The following ADAMTS12 variants were observed in gnomAD, a reference collection of about 807,000 sequenced individuals.
The protein encoded by ADAMTS12 is A disintegrin and metalloproteinase with thrombospondin motifs 12.
ADAMTS12 carries 118 observed loss-of-function variants against 167.8 expected under a neutral mutation model. The observed-to-expected ratio is 0.70, with a 90% CI of 0.61 to 0.82. ADAMTS12 has a LOEUF of 0.82. ADAMTS12 is among the 40% of genes least tolerant of loss of function. The probability of loss-of-function intolerance (pLI) is 0.00; values close to 1 mark genes in which losing one functional copy is unlikely to be tolerated. For missense variants in ADAMTS12, 1,916 were observed against 1,998.8 expected, an observed-to-expected ratio of 0.96 and a Z score of 0.79; for synonymous variants, 704 against 716.9, an observed-to-expected ratio of 0.98 and a Z score of 0.29.
At chr5:33,664,284 T>C (rs959544480) in intron 5 of ADAMTS12, among the ~76,000 whole-genome samples, 1 of 152,122 alleles carries the variant, frequency 6.6e-6, no homozygotes, top group Admixed American at 6.6e-5. Flanking sequence ...TATATAGCTA[T>C]AATAGTCAAG....
At chr5:33,669,908 GA>G (rs559256474) in intron 5 of ADAMTS12, among the ~76,000 whole-genome samples, 20 of 151,520 alleles carry the variant, frequency 1.3e-4, no homozygotes, top group African/African-American at 2.9e-4. Flanking sequence ...GAAACTTCTA[GA>G]AAAAAAACAT....
At chr5:33,675,781 G>A (rs188657550) in intron 5 of ADAMTS12, among the ~76,000 whole-genome samples, 1 of 152,146 alleles carries the variant, frequency 6.6e-6, no homozygotes, top group Non-Finnish European at 1.5e-5. Flanking sequence ...AAGGGGTTAA[G>A]TCCAAGAAAC....
At chr5:33,568,415 T>A (rs1746123625) in intron 19 of ADAMTS12, among the ~76,000 whole-genome samples, 1 of 152,214 alleles carries the variant, frequency 6.6e-6, no homozygotes, top group Non-Finnish European at 1.5e-5. Context: ...CCATGACCAA[T>A]GATGTTGATT....
chr5:33,713,773 G>A (rs926113067), intron 3 of ADAMTS12, among the ~76,000 whole-genome samples: 1 of 152,092 alleles, frequency 6.6e-6, no homozygotes, highest in Non-Finnish European at 1.5e-5. Context: ...TGCCACTACT[G>A]AGTAAAAGGC....
At chr5:33,849,005 AAT>A (rs1206377205) in intron 2 of ADAMTS12, among the ~76,000 whole-genome samples, 84 of 147,860 alleles carry the variant, frequency 5.7e-4, no homozygotes, top group Admixed American at 9.5e-4. Flanking sequence ...ATTGCATAGC[AAT>A]ATATATATAT....
chr5:33,839,050 G>A (rs747729180), intron 2 of ADAMTS12, among the ~76,000 whole-genome samples: 64 of 152,140 alleles, frequency 4.2e-4, no homozygotes, highest in Admixed American at 1.3e-3. Context: ...CCTCTAAAAC[G>A]TGAAGATCCT....
chr5:33,867,383 C>G (rs1026271819), intron 2 of ADAMTS12, among the ~76,000 whole-genome samples: 1 of 152,072 alleles, frequency 6.6e-6, no homozygotes, highest in African/African-American at 2.4e-5. Context: ...ACTGTATGAC[C>G]TCACTTATAA....
chr5:33,835,953 C>CTG (rs146410588), intron 2 of ADAMTS12, among the ~76,000 whole-genome samples: 4 of 89,138 alleles, frequency 4.5e-5, no homozygotes, highest in East Asian at 9.0e-4. Flanking sequence ...CTCTCTCTCT[C>CTG]TGTGTGTGTG....
chr5:33,694,481 C>T (rs746456752), intron 3 of ADAMTS12, among the ~76,000 whole-genome samples: 1 of 151,706 alleles, frequency 6.6e-6, no homozygotes, highest in Non-Finnish European at 1.5e-5. Flanking sequence ...AAAAATTACC[C>T]TTTTGGTAAT....
chr5:33,628,483 G>A (rs1739764798), intron 13 of ADAMTS12, among the ~76,000 whole-genome samples: 1 of 152,140 alleles, frequency 6.6e-6, no homozygotes, highest in Non-Finnish European at 1.5e-5. Context: ...TCTGATCAGG[G>A]CTTGATAATT....
intron 2 of ADAMTS12, among the ~76,000 whole-genome samples, chr5:33,828,327 T>C (rs1748168109): frequency 6.6e-6 from 1 of 152,222 alleles, no homozygotes; most frequent in African/African-American, 2.4e-5. Flanking sequence ...TCCCCTTTTG[T>C]AAACTGCCTT....
intron 14 of ADAMTS12, 77 bp from the exon 15 acceptor site, chr5:33,616,149 T>C (rs1561170524): frequency 1.3e-6 from 2 of 1,546,746 alleles, no homozygotes; most frequent in South Asian, 1.2e-5. Context: ...GACCCACTGT[T>C]AATCCTCTTT....
chr5:33,796,475 G>A (rs755119024), intron 2 of ADAMTS12, among the ~76,000 whole-genome samples: 1 of 152,146 alleles, frequency 6.6e-6, no homozygotes, highest in Non-Finnish European at 1.5e-5. Flanking sequence ...TAGGTATGTA[G>A]CATTTATATA....
intron 12 of ADAMTS12, among the ~76,000 whole-genome samples, chr5:33,631,397 A>G (rs562411911): frequency 6.6e-6 from 1 of 152,136 alleles, no homozygotes; most frequent in African/African-American, 2.4e-5. Flanking sequence ...AACCTCCATC[A>G]CCACCAGCAT....
At chr5:33,697,784 G>C (rs532474006) in intron 3 of ADAMTS12, among the ~76,000 whole-genome samples, 1 of 152,318 alleles carries the variant, frequency 6.6e-6, no homozygotes, top group East Asian at 1.9e-4. Context: ...GATTAGTTCA[G>C]ATTATACGAA....
intron 2 of ADAMTS12, among the ~76,000 whole-genome samples, chr5:33,815,242 T>A (rs1747603444): frequency 6.6e-6 from 1 of 152,216 alleles, no homozygotes; most frequent in South Asian, 2.1e-4. Context: ...ACAAACTGAA[T>A]GTTTCTGTTC....
At chr5:33,747,882 C>T (rs528829857) in intron 3 of ADAMTS12, among the ~76,000 whole-genome samples, 1 of 152,268 alleles carries the variant, frequency 6.6e-6, no homozygotes, top group African/African-American at 2.4e-5. Context: ...GTCAGTGCTT[C>T]AGACAAAGAG....
chr5:33,665,646 C>G (rs1248008927), intron 5 of ADAMTS12, among the ~76,000 whole-genome samples: 8 of 152,112 alleles, frequency 5.3e-5, no homozygotes, highest in Non-Finnish European at 1.2e-4. Context: ...AGGTGGAAAC[C>G]ACAGATGTTG....
At chr5:33,641,677 T>C in intron 11 of ADAMTS12, 133 bp downstream of exon 11, 2 of 869,016 alleles carry the variant, frequency 2.3e-6, no homozygotes, top group Middle Eastern at 2.8e-4. Flanking sequence ...CTTCTTGTTC[T>C]GTTTTGTCCT....
Sources: allele counts gnomAD v4.1 joint callset (sites outside exome capture counted in the v4.1 genomes callset), GRCh38; gene constraint gnomAD v4.1.1; transcripts MANE v1.5; gene names NCBI Gene and HGNC (gene_info 2026-07-23, HGNC 2026-07-21).